RXFP1: variants seen among roughly 807,000 people sequenced by gnomAD.
RXFP1 encodes relaxin family peptide receptor 1, also known as relaxin receptor 1.
A neutral mutation model predicts 89.8 loss-of-function variants in RXFP1; 73 were observed. The observed-to-expected ratio is 0.81, with a 90% CI of 0.67 to 0.99. RXFP1 has a LOEUF of 0.99. RXFP1 is among the 50% of genes least tolerant of loss of function. RXFP1 has a pLI of 0.00. For synonymous variants in RXFP1, 277 were observed against 305.5 expected, an observed-to-expected ratio of 0.91 and a Z score of 0.97; for missense variants, 793 against 895.5, an observed-to-expected ratio of 0.89 and a Z score of 1.46.
chr4:158,578,133 A>T (rs1756619669), intron 2 of RXFP1, among the ~76,000 whole-genome samples: 1 of 152,348 alleles, frequency 6.6e-6, no homozygotes, highest in South Asian at 2.1e-4. Flanking sequence ...CACTATTTTT[A>T]TAATAACTTT....
rs1413339834 is a variant in RXFP1, at chr4:158,647,320, A to G, written c.1756+119A>G. 7.1e-5 allele frequency: 55 copies of G among 773,952 alleles called. 1 individual carries two copies. In the South Asian group the frequency reaches 1.1e-3, roughly 16 times the overall value. The allele number at this position is 773,952 out of a possible 1,614,324, so 47.9% of individuals were successfully genotyped here. A position where few individuals can be genotyped will look rare whatever the true frequency, so the allele number is the denominator to read the frequency against. On this transcript the variant is annotated intron_variant, in intron 16 of 17. Transcript: ENST00000307765. ...CCCCAGCAAGGATTTTCCTCCCCAA[A>G]TTATACTCTGATATAAATTCCAACC...
chr4:158,571,989 G>A (rs529726391), intron 1 of RXFP1, among the ~76,000 whole-genome samples: 1 of 152,200 alleles, frequency 6.6e-6, no homozygotes, highest in Non-Finnish European at 1.5e-5. Context: ...TAAAAGATTA[G>A]GGTGGGAGGG....
At chr4:158,601,213 C>G (rs1289031430) in intron 4 of RXFP1, among the ~76,000 whole-genome samples, 1 of 151,576 alleles carries the variant, frequency 6.6e-6, no homozygotes, top group Non-Finnish European at 1.5e-5. Context: ...GTTTTCAACC[C>G]CTGGTATAAA....
At chr4:158,523,181 T>C (rs1173764142) in intron 1 of RXFP1, among the ~76,000 whole-genome samples, 1 of 152,190 alleles carries the variant, frequency 6.6e-6, no homozygotes. Flanking sequence ...CCATAAAAAA[T>C]GTAATGTTTC....
intron 1 of RXFP1, among the ~76,000 whole-genome samples, chr4:158,531,679 C>A (rs1744080396): frequency 6.6e-6 from 1 of 152,136 alleles, no homozygotes; most frequent in Non-Finnish European, 1.5e-5. Context: ...CTTATGCCAT[C>A]ATTAACATTA....
intron 6 of RXFP1, among the ~76,000 whole-genome samples, chr4:158,610,283 T>C (rs1189252290): frequency 1.3e-5 from 2 of 152,032 alleles, no homozygotes; most frequent in Admixed American, 1.3e-4. Context: ...ATAATAATAA[T>C]CATTAGATAC....
chr4:158,592,471 G>A (rs191394558), intron 2 of RXFP1, among the ~76,000 whole-genome samples: 2 of 152,178 alleles, frequency 1.3e-5, no homozygotes, highest in South Asian at 4.1e-4. Context: ...CTACTCGGGA[G>A]GCTGAGGCAG....
chr4:158,576,696 A>G (rs1283591372), intron 2 of RXFP1, among the ~76,000 whole-genome samples: 2 of 152,182 alleles, frequency 1.3e-5, no homozygotes, highest in African/African-American at 4.8e-5. Context: ...TCAATTATCT[A>G]CAATTTTTAG....
chr4:158,521,821 A>C, upstream of RXFP1: 7 of 567,996 alleles, frequency 1.2e-5, no homozygotes, highest in East Asian at 3.0e-5. Flanking sequence ...GGAAAGAGAC[A>C]GAGAAAGGAA....
intron 5 of RXFP1, among the ~76,000 whole-genome samples, chr4:158,607,508 G>A (rs1762742182): frequency 6.6e-6 from 1 of 152,086 alleles, no homozygotes; most frequent in South Asian, 2.1e-4. Context: ...GCACTGTGTT[G>A]AGCACTTAAC....
intron 12 of RXFP1, among the ~76,000 whole-genome samples, chr4:158,634,264 A>G (rs539675556): frequency 6.6e-6 from 1 of 152,194 alleles, no homozygotes; most frequent in Admixed American, 6.5e-5. Flanking sequence ...TGTGATTCCC[A>G]GTGATTAGTG....
chr4:158,575,554 G>A (rs62351164), intron 2 of RXFP1, among the ~76,000 whole-genome samples: 20,776 of 151,982 alleles, frequency 0.14, 1,691 homozygotes, highest in Middle Eastern at 0.23. Flanking sequence ...AATACGTGAG[G>A]TCATAAGAGT....
chr4:158,592,925 TA>T (rs33995741), intron 2 of RXFP1, among the ~76,000 whole-genome samples: 44,951 of 143,752 alleles, frequency 0.31, 12,095 homozygotes, highest in African/African-American at 0.73. Flanking sequence ...CCATCTCTAC[TA>T]AAAAAAAAAA....
chr4:158,568,237 G>A (rs1187554117), intron 1 of RXFP1, among the ~76,000 whole-genome samples: 3 of 152,152 alleles, frequency 2.0e-5, no homozygotes, highest in African/African-American at 4.8e-5. Flanking sequence ...GAGGGTCTGC[G>A]GCTTCATTGT....
chr4:158,603,337 G>A (rs1411011640), intron 4 of RXFP1, among the ~76,000 whole-genome samples: 1 of 152,150 alleles, frequency 6.6e-6, no homozygotes, highest in African/African-American at 2.4e-5. Context: ...AGAATCATTA[G>A]CAGAAAAGAG....
intron 13 of RXFP1, among the ~76,000 whole-genome samples, chr4:158,638,783 G>A (rs1769740393): frequency 7.0e-6 from 1 of 142,418 alleles, no homozygotes; most frequent in South Asian, 2.3e-4. Context: ...CACCACACCA[G>A]CCTGGGCAAC....
At chr4:158,541,132 G>T (rs1393758395) in intron 1 of RXFP1, among the ~76,000 whole-genome samples, 4 of 152,070 alleles carry the variant, frequency 2.6e-5, no homozygotes, top group East Asian at 1.9e-4. Context: ...CCCACAAAAG[G>T]TTAGATCCCC....
chr4:158,608,582 C>T (rs1489199228), intron 6 of RXFP1, among the ~76,000 whole-genome samples: 9 of 151,994 alleles, frequency 5.9e-5, no homozygotes, highest in African/African-American at 2.2e-4. Flanking sequence ...GCATGAAATA[C>T]TGTAAGGTTA....
At chr4:158,555,677 T>C (rs144627476) in intron 1 of RXFP1, among the ~76,000 whole-genome samples, 18 of 152,350 alleles carry the variant, frequency 1.2e-4, no homozygotes, top group Non-Finnish European at 2.1e-4. Flanking sequence ...CACTCAATAC[T>C]TGTGTCTCAC....
Sources: allele counts gnomAD v4.1 joint callset (sites outside exome capture counted in the v4.1 genomes callset), GRCh38; gene constraint gnomAD v4.1.1; transcripts MANE v1.5; gene names NCBI Gene and HGNC (gene_info 2026-07-23, HGNC 2026-07-21).